The following SGCG variants were observed in gnomAD, a reference collection of about 807,000 sequenced individuals.
The protein encoded by SGCG is sarcoglycan gamma, also known as gamma-sarcoglycan.
SGCG carries 26 observed loss-of-function variants against 29.3 expected under a neutral mutation model. The ratio of observed to expected loss-of-function variants is 0.89; its 90% CI spans 0.65 to 1.23. SGCG has a LOEUF of 1.23. Among genes scored for constraint, SGCG ranks in the 50% most tolerant of loss-of-function variants. The pLI, the probability that SGCG is intolerant of heterozygous loss-of-function variation, is 0.00. For synonymous variants in SGCG, 145 were observed against 129.7 expected, an observed-to-expected ratio of 1.12 and a Z score of -0.80; for missense variants, 353 against 356.0, an observed-to-expected ratio of 0.99 and a Z score of 0.07.
At position 23,275,142 on chromosome 13, in the gene SGCG, T is replaced by TATATATATACATACATACATACATAC. The variant is rs1336045794; in HGVS notation, c.386-4216_386-4215insTATATATACATACATACATACATACA. On this transcript the variant is annotated intron_variant, in intron 4 of 7. Transcript: ENST00000218867. ...TGGAATATATATATATATATATATA[T>TATATATATACATACATACATACATAC]AGAAATGAGGACGTTGTTTAACCTT... Among the ~76,000 whole-genome samples the TATATATATACATACATACATACATAC allele has an allele frequency of 3.8e-3, 560 of 148,066 alleles. 4 individuals are homozygous for TATATATATACATACATACATACATAC. Among genetic ancestry groups the TATATATATACATACATACATACATAC allele is most frequent in the African/African-American group, 0.013 (518 of 40,632 alleles).
At chr13:23,215,839 T>C (rs1390820328) in intron 2 of SGCG, among the ~76,000 whole-genome samples, 1 of 151,376 alleles carries the variant, frequency 6.6e-6, no homozygotes, top group East Asian at 1.9e-4. Context: ...ATTTTGTGGA[T>C]AGTAGCCATC....
chr13:23,225,739 T>C (rs1019395644), intron 2 of SGCG, among the ~76,000 whole-genome samples: 1 of 151,480 alleles, frequency 6.6e-6, no homozygotes, highest in African/African-American at 2.4e-5. Context: ...TGCTCACTGC[T>C]CTTGTGATTC....
chr13:23,260,337 G>T (rs1306614884), intron 4 of SGCG, among the ~76,000 whole-genome samples: 2 of 152,112 alleles, frequency 1.3e-5, no homozygotes, highest in Non-Finnish European at 2.9e-5. Flanking sequence ...TTGGTCTAAA[G>T]TCTATTTTAT....
intron 7 of SGCG, among the ~76,000 whole-genome samples, chr13:23,323,075 T>C (rs1164436071): frequency 6.6e-6 from 1 of 152,136 alleles, no homozygotes; most frequent in African/African-American, 2.4e-5. Flanking sequence ...GGTGCCATCA[T>C]CAAGCCAGCT....
the SGCG span, among the ~76,000 whole-genome samples, chr13:23,169,550 A>G: frequency 9.9e-5 from 15 of 151,978 alleles, no homozygotes; most frequent in Admixed American, 9.8e-4. Context: ...ATAGTGGTGC[A>G]TGCCTGTAGT....
intron 3 of SGCG, among the ~76,000 whole-genome samples, chr13:23,236,210 G>A (rs1879303283): frequency 6.6e-6 from 1 of 152,142 alleles, no homozygotes; most frequent in Admixed American, 6.5e-5. Flanking sequence ...TTGTAAAAGG[G>A]GAAGTCAGAC....
chr13:23,275,827 A>G, intron 4 of SGCG, among the ~76,000 whole-genome samples: 1 of 152,210 alleles, frequency 6.6e-6, no homozygotes, highest in Non-Finnish European at 1.5e-5. Flanking sequence ...TTGCAACAGC[A>G]GAATATACGT....
chr13:23,299,440 A>G (rs867494388), intron 6 of SGCG, among the ~76,000 whole-genome samples: 1 of 5,252 alleles, frequency 1.9e-4, no homozygotes, highest in East Asian at 0.022. Flanking sequence ...ATATATATAT[A>G]TATATATATA....
intron 4 of SGCG, among the ~76,000 whole-genome samples, chr13:23,265,129 G>C (rs1247618581): frequency 6.6e-6 from 1 of 151,916 alleles, no homozygotes; most frequent in Admixed American, 6.6e-5. Flanking sequence ...TAAACAGACA[G>C]CCTATAGAAT....
intron 6 of SGCG, among the ~76,000 whole-genome samples, chr13:23,318,787 A>T (rs1187007748): frequency 6.6e-6 from 1 of 152,304 alleles, no homozygotes; most frequent in South Asian, 2.1e-4. Context: ...TCTTCTTAGC[A>T]GCGTCCCATT....
chr13:23,279,681 C>G lies in SGCG; in HGVS notation c.505+203C>G, dbSNP rs574166438. Among the ~76,000 whole-genome samples, 62 of 130,504 alleles carry G rather than the reference C, an allele frequency of 4.8e-4. 1 individual carries two copies. Among genetic ancestry groups the G allele is most frequent in the Non-Finnish European group, 5.9e-4 (33 of 55,802 alleles). 85.6% of individuals were successfully genotyped at this position (130,504 alleles called of 152,430 possible). On this transcript the variant is annotated intron_variant, in intron 5 of 7. Transcript: ENST00000218867. ...TCCTCCCCACAGATCTTGGCCCACC[C>G]TTCTTCCATCACAGTTTTACCCTTT... is the stretch of plus-strand genomic sequence containing the variant.
intron 6 of SGCG, among the ~76,000 whole-genome samples, chr13:23,315,172 A>C (rs564253869): frequency 6.6e-6 from 1 of 152,148 alleles, no homozygotes; most frequent in African/African-American, 2.4e-5. Flanking sequence ...GAAGATAACT[A>C]CTGTCCTTTT....
chr13:23,249,337 C>T (rs1879869101), intron 3 of SGCG, among the ~76,000 whole-genome samples: 2 of 152,172 alleles, frequency 1.3e-5, no homozygotes, highest in South Asian at 4.1e-4. Flanking sequence ...CATTAACAGG[C>T]TCCCCCAACC....
chr13:23,252,141 A>G lies in SGCG; in HGVS notation c.385+1424A>G, dbSNP rs192590049. 4.9e-3 allele frequency among the ~76,000 whole-genome samples: 752 copies of G among 152,284 alleles called. 10 individuals carry two copies. The highest frequency in any genetic ancestry group is 0.017 in the African/African-American group (714 of 41,560). The stretch of plus-strand genomic sequence containing the variant: ...TCCTGCATATACGTTCTTAAGATGT[A>G]TTTAAAACAAATTATATTTTCTTGA... On this transcript the variant is annotated intron_variant, in intron 4 of 7. Transcript: ENST00000218867.
chr13:23,309,721 A>G (rs1882488838), intron 6 of SGCG, among the ~76,000 whole-genome samples: 1 of 152,196 alleles, frequency 6.6e-6, no homozygotes, highest in African/African-American at 2.4e-5. Context: ...TTTTCTTTCA[A>G]ACAGTGTGTG....
intron 1 of SGCG, among the ~76,000 whole-genome samples, chr13:23,192,585 G>T (rs995238419): frequency 6.6e-6 from 1 of 151,732 alleles, no homozygotes; most frequent in Non-Finnish European, 1.5e-5. Flanking sequence ...TAGTAGAGAC[G>T]GGGTTTCACC....
intron 6 of SGCG, among the ~76,000 whole-genome samples, chr13:23,311,804 G>T (rs951175903): frequency 2.6e-5 from 4 of 152,008 alleles, no homozygotes; most frequent in Non-Finnish European, 4.4e-5. Context: ...TCTCAAATTA[G>T]AAAATAGATT....
the SGCG span, among the ~76,000 whole-genome samples, chr13:23,169,276 A>G: frequency 6.6e-6 from 1 of 151,656 alleles, no homozygotes; most frequent in Non-Finnish European, 1.5e-5. Context: ...AGTCATTCAA[A>G]TTTGTGTCCA....
intron 1 of SGCG, among the ~76,000 whole-genome samples, chr13:23,188,079 C>T (rs1010544501): frequency 6.6e-6 from 1 of 152,194 alleles, no homozygotes; most frequent in African/African-American, 2.4e-5. Context: ...CACACTAAAG[C>T]TGTCATTCTG....
Sources: gnomAD v4.1 joint callset for allele counts (sites outside exome capture counted in the v4.1 genomes callset) on GRCh38, gnomAD v4.1.1 for gene constraint, MANE v1.5 for transcripts, NCBI Gene and HGNC (gene_info 2026-07-23, HGNC 2026-07-21) for gene names.